The following TRPS1 variants were observed in gnomAD, a reference collection of about 807,000 sequenced individuals.
TRPS1 encodes transcriptional repressor GATA binding 1.
TRPS1 carries 6 observed loss-of-function variants against 101.2 expected under a neutral mutation model. The ratio of observed to expected loss-of-function variants is 0.06; its 90% CI spans 0.03 to 0.12. TRPS1 has a LOEUF of 0.12. Ranked by LOEUF, TRPS1 falls within the 10% of genes least tolerant of loss-of-function variation. TRPS1 has a pLI of 1.00. For missense variants in TRPS1, 1,363 were observed against 1,567.0 expected (o/e 0.87, Z 2.20); for synonymous variants, 578 against 589.8 (o/e 0.98, Z 0.29).
intron 5 of TRPS1, among the ~76,000 whole-genome samples, chr8:115,585,951 T>C (rs1004570205): frequency 6.6e-6 from 1 of 152,204 alleles, no homozygotes; most frequent in Non-Finnish European, 1.5e-5. Context: ...TCAGAGAATC[T>C]GCAGGAAATG....
At chr8:115,562,392 C>G (rs1816966732) in intron 5 of TRPS1, among the ~76,000 whole-genome samples, 1 of 151,408 alleles carries the variant, frequency 6.6e-6, no homozygotes, top group Non-Finnish European at 1.5e-5. Context: ...AAAAAAACCA[C>G]ATTTTTAAGT....
Position 115,414,833 on chromosome 8 carries a change from T to A in TRPS1, c.3075A>T (p.Lys1025Asn). The change falls in exon 7 of 7, where the codon AAA (lysine) becomes AAT (asparagine). Residue 1025 changes from lysine to asparagine, a missense_variant. By Grantham distance (94) the Lys-to-Asn change is moderately conservative. Coordinates refer to ENST00000395715, the MANE Select transcript of TRPS1 (RefSeq NM_014112.5). This position sits in a 1 kb window ranked among gnomAD's most constrained non-coding sequence, Gnocchi z 4.8. ...SKYEAQGSLT[K>N]SHSAQQPVLV... is the part of the protein sequence containing the mutation. ...GGACTGGCTGCTGAGCAGAATGGCT[T>A]TTAGTCAATGAACCCTGGGCTTCGT... The A allele has an allele frequency of 6.2e-7, 1 of 1,613,990 alleles. No homozygotes were observed. Among genetic ancestry groups the A allele is most frequent in the East Asian group, 2.2e-5 (1 of 44,854 alleles).
intron 5 of TRPS1, among the ~76,000 whole-genome samples, chr8:115,562,326 T>C (rs980039593): frequency 6.6e-6 from 1 of 152,140 alleles, no homozygotes; most frequent in South Asian, 2.1e-4. Context: ...AAAATGGTTA[T>C]TCACTTTCAT....
chr8:115,488,246 C>T (rs1387959472), intron 5 of TRPS1, among the ~76,000 whole-genome samples: 4 of 152,202 alleles, frequency 2.6e-5, no homozygotes, highest in Non-Finnish European at 5.9e-5. Flanking sequence ...CTATTGTATA[C>T]TTAGTACACT....
intron 5 of TRPS1, among the ~76,000 whole-genome samples, chr8:115,493,338 T>C (rs1195593836): frequency 6.6e-6 from 1 of 152,164 alleles, no homozygotes. Flanking sequence ...TACTATTCTA[T>C]CCTGTTTCTA....
intron 5 of TRPS1, among the ~76,000 whole-genome samples, chr8:115,553,808 T>C (rs899190260): frequency 6.6e-6 from 1 of 152,124 alleles, no homozygotes; most frequent in African/African-American, 2.4e-5. Context: ...TTGAATCCTT[T>C]AGAAAGTGAT....
At chr8:115,654,407 T>C (rs567541364) in intron 1 of TRPS1, among the ~76,000 whole-genome samples, 17 of 152,322 alleles carry the variant, frequency 1.1e-4, no homozygotes, top group East Asian at 1.9e-4. Context: ...GAGGAGTTTA[T>C]GTAAAACACC....
rs567073590 is a variant in TRPS1 at position 115,485,313 on chromosome 8, C to T, written c.2701-66861G>A. ...GATGCAAGGAAATGAATTCTCCCAA[C>T]AACCAGAGAGCTTGGAAAAGTACTC... On this transcript the variant is annotated intron_variant, in intron 5 of 6. Coordinates refer to ENST00000395715, the MANE Select transcript of TRPS1 (RefSeq NM_014112.5). Among the ~76,000 whole-genome samples the T allele has an allele frequency of 9.2e-5, 14 of 152,312 alleles. No homozygotes were observed. In the South Asian group the frequency reaches 2.7e-3, roughly 29 times the overall value.
At chr8:115,561,325 C>G (rs1816940134) in intron 5 of TRPS1, among the ~76,000 whole-genome samples, 1 of 152,046 alleles carries the variant, frequency 6.6e-6, no homozygotes, top group Non-Finnish European at 1.5e-5. Flanking sequence ...CTCTGGCACA[C>G]ACAAGGCAGC....
intron 5 of TRPS1, among the ~76,000 whole-genome samples, chr8:115,480,482 T>C (rs961221378): frequency 2.0e-5 from 3 of 152,082 alleles, no homozygotes; most frequent in Non-Finnish European, 4.4e-5. Context: ...TAAATGTTAA[T>C]AAGGCATGAG....
At chr8:115,471,923 T>C (rs1563755063) in intron 5 of TRPS1, among the ~76,000 whole-genome samples, 1 of 152,222 alleles carries the variant, frequency 6.6e-6, no homozygotes, top group Non-Finnish European at 1.5e-5. Context: ...CTTGGGCAGC[T>C]CCACCCCTGT....
At chr8:115,529,058 T>C (rs1480070338) in intron 5 of TRPS1, among the ~76,000 whole-genome samples, 1 of 151,874 alleles carries the variant, frequency 6.6e-6, no homozygotes, top group Non-Finnish European at 1.5e-5. Flanking sequence ...TGCTATGAGC[T>C]AGGAAGGAGA....
chr8:115,497,449 A>G (rs775466103), intron 5 of TRPS1, among the ~76,000 whole-genome samples: 2 of 152,200 alleles, frequency 1.3e-5, no homozygotes, highest in Non-Finnish European at 2.9e-5. Context: ...GTACGGGTCC[A>G]TGGCTTGGGG....
At chr8:115,526,180 G>A (rs538831843) in intron 5 of TRPS1, among the ~76,000 whole-genome samples, 37 of 152,130 alleles carry the variant, frequency 2.4e-4, no homozygotes, top group Admixed American at 7.2e-4. Context: ...GTGGTAGTGC[G>A]TGCCTGTAAT....
intron 1 of TRPS1, among the ~76,000 whole-genome samples, chr8:115,652,950 TC>T (rs1287696434): frequency 6.6e-6 from 1 of 152,140 alleles, no homozygotes; most frequent in African/African-American, 2.4e-5. Context: ...GGAGGGCAAA[TC>T]CCTTAAGAGG....
chr8:115,568,417 C>G (rs944793402), intron 5 of TRPS1, among the ~76,000 whole-genome samples: 1 of 151,934 alleles, frequency 6.6e-6, no homozygotes, highest in Admixed American at 6.6e-5. Context: ...AGCATTTTAC[C>G]ATCATGAGAA....
intron 3 of TRPS1, among the ~76,000 whole-genome samples, chr8:115,617,798 A>C (rs1480649950): frequency 1.3e-5 from 2 of 151,466 alleles, no homozygotes; most frequent in Non-Finnish European, 2.9e-5. Context: ...TTCATGCATA[A>C]TAACTATGTT....
chr8:115,625,400 G>A (rs768831335), intron 1 of TRPS1, among the ~76,000 whole-genome samples: 10 of 151,738 alleles, frequency 6.6e-5, no homozygotes, highest in Admixed American at 6.6e-4. Context: ...CAATAGTTCC[G>A]GTTAATAGCA....
intron 1 of TRPS1, among the ~76,000 whole-genome samples, chr8:115,646,603 C>T (rs1819030068): frequency 6.6e-6 from 1 of 152,104 alleles, no homozygotes; most frequent in Admixed American, 6.6e-5. Context: ...AGGACTTGCT[C>T]CTCCAGCCAT....
Sources: gnomAD v4.1 joint callset for allele counts (sites outside exome capture counted in the v4.1 genomes callset) on GRCh38, gnomAD v4.1.1 for gene constraint, Gnocchi (gnomAD v3.1) non-coding constraint, MANE v1.5 for transcripts, NCBI Gene and HGNC (gene_info 2026-07-23, HGNC 2026-07-21) for gene names.